The following SELENOV variants were observed in gnomAD, a reference collection of about 807,000 sequenced individuals.
SELENOV encodes selenoprotein V.
In SELENOV, 25 loss-of-function variants were observed where a neutral mutation model predicts 21.6. The observed-to-expected ratio is 1.16, with a 90% CI of 0.84 to 1.62. SELENOV has a LOEUF of 1.62. Ranked by LOEUF, SELENOV falls within the 40% of genes most tolerant of loss-of-function variation. The pLI is 0.00. For missense variants in SELENOV, 472 were observed against 459.0 expected (o/e 1.03, Z -0.26); for synonymous variants, 227 against 216.9 (o/e 1.05, Z -0.41).
Position 39,515,447 on chromosome 19 carries a change from GC to G in SELENOV, c.238del (p.Arg80GlyfsTer37). ...CACTCTGGTCCCCACTCCCGCTCTG[GC>G]CCGGATCCCCCGTCTGGTTCCGCCT... On this transcript the variant is annotated frameshift_variant, in exon 1 of 6. Transcript: ENST00000335426. LOFTEE classifies it high-confidence loss of function. This position sits in a 1 kb window ranked among gnomAD's most constrained non-coding sequence, Gnocchi z 5.1. 1 of 1,551,386 alleles carries G rather than the reference GC, an allele frequency of 6.4e-7. No individual in the cohort carries two copies. Among genetic ancestry groups the G allele is most frequent in the Non-Finnish European group, 8.7e-7 (1 of 1,146,936 alleles).
At chr19:39,517,227 CTCTT>C (rs990897494) in intron 1 of SELENOV, among the ~76,000 whole-genome samples, 5 of 152,056 alleles carry the variant, frequency 3.3e-5, no homozygotes, top group African/African-American at 1.2e-4. Flanking sequence ...CACCTCTGGC[CTCTT>C]TCTTTCTCTC....
At chr19:39,518,951 A>G (rs748439980) in exon 4 of SELENOV, 2 of 1,613,574 alleles carry the variant, frequency 1.2e-6, no homozygotes, top group Non-Finnish European at 1.7e-6. Flanking sequence ...GGTGTTTGTG[A>G]ACGGGAGACT....
At chr19:39,518,503 G>A in intron 1 of SELENOV, 105 bp from the exon 2 acceptor site, 1 of 1,111,032 alleles carries the variant, frequency 9.0e-7, no homozygotes, top group South Asian at 1.3e-5. Context: ...GGAGGAACAT[G>A]ATCTAACTCA....
intron 1 of SELENOV, among the ~76,000 whole-genome samples, chr19:39,518,298 A>C (rs2079709572): frequency 7.2e-6 from 1 of 139,388 alleles, no homozygotes; most frequent in Admixed American, 7.1e-5. Context: ...AAAAAACAAA[A>C]AAAAAAGAGA....
rs552755302 is a variant in SELENOV, at chr19:39,516,320, A to T, written c.809+299A>T. 7.4e-5 allele frequency: 42 copies of T among 564,406 alleles called. No homozygotes were observed. The African/African-American group carries it at 7.5e-4, about 10-fold the overall frequency. The allele number at this position is 564,406 out of a possible 1,614,324, so 35.0% of individuals were successfully genotyped here. A position where few individuals can be genotyped will look rare whatever the true frequency, so the allele number is the denominator to read the frequency against. On this transcript the variant is annotated intron_variant, in intron 1 of 5. Transcript: ENST00000335426. ...ATGGGGTGCTGAGTAGAGCAGATCG[A>T]TCTACTTTGCTCCCCAGCAAGACCA...
rs1476623680 is a variant in SELENOV at position 39,515,719 on chromosome 19, T to C, written c.507T>C (p.Pro169=). The stretch of plus-strand genomic sequence containing the variant: ...TGCCTTTGTTGCCCGAGGAGGACCC[T>C]GAGCCGGCGCCGAGCCTGAAGCTCA... The change falls in exon 1 of 6, where the codon CCT becomes CCC. Residue 169 remains proline (P), a synonymous_variant. Transcript: ENST00000335426. The surrounding 1 kb of genome is among the most constrained non-coding windows in gnomAD (Gnocchi z 5.1). The C allele has an allele frequency of 3.9e-6, 6 of 1,549,460 alleles. No homozygotes were observed. The highest frequency in any genetic ancestry group is 2.7e-5 in the African/African-American group (2 of 73,058).
chr19:39,518,864 G>C, intron 3 of SELENOV, 39 bp from the exon 4 acceptor site: 1 of 1,612,958 alleles, frequency 6.2e-7, no homozygotes, highest in Non-Finnish European at 8.5e-7. Context: ...GCTTGGAGGA[G>C]AGAGCTTAGC....
chr19:39,515,783 C>G lies in SELENOV; in HGVS notation c.571C>G (p.Pro191Ala), dbSNP rs2079693455. 1 of 1,549,296 alleles carries G rather than the reference C, an allele frequency of 6.5e-7. No individual in the cohort carries two copies. The highest frequency in any genetic ancestry group is 8.7e-7 in the Non-Finnish European group (1 of 1,146,262). The change falls in exon 1 of 6, where the codon CCC becomes GCC. Residue 191 changes from proline to alanine, a missense_variant. By Grantham distance (27) the Pro-to-Ala change is conservative (BLOSUM62 -1). Coordinates refer to ENST00000335426, the Ensembl canonical transcript of SELENOV. This position sits in a 1 kb window ranked among gnomAD's most constrained non-coding sequence, Gnocchi z 5.1. Reference sequence around the variant, plus strand: ...CAGCGAGGCCGGGCCCGCCCCGGGGCCCCTTCCCACGCGCACCCCGCTGGC... The same window carrying G: ...CAGCGAGGCCGGGCCCGCCCCGGGGGCCCTTCCCACGCGCACCCCGCTGGC...
rs1236717700 is a variant in SELENOV at position 39,515,378 on chromosome 19, G to T, written c.166G>T (p.Gly56Trp). The change falls in exon 1 of 6, where the codon GGG (glycine) becomes TGG (tryptophan). Residue 56 changes from glycine (G) to tryptophan (W), a missense_variant. By Grantham distance (184) the Gly-to-Trp change is radical. Coordinates refer to ENST00000335426, the Ensembl canonical transcript of SELENOV. This position sits in a 1 kb window ranked among gnomAD's most constrained non-coding sequence, Gnocchi z 5.1. Reference sequence around the variant, plus strand: ...TCCAGTCCTGACTCCGTCTCCAGCCGGGACTTCCCCTCTGGTCCTGACTCC... The same window carrying T: ...TCCAGTCCTGACTCCGTCTCCAGCCTGGACTTCCCCTCTGGTCCTGACTCC... 1 of 1,551,392 alleles carries T rather than the reference G, an allele frequency of 6.4e-7. No individual in the cohort carries two copies. Among genetic ancestry groups the T allele is most frequent in the Non-Finnish European group, 8.7e-7 (1 of 1,146,894 alleles).
rs2079687010 is a variant in SELENOV, at chr19:39,515,141, A to G, written c.-72A>G. The stretch of plus-strand genomic sequence containing the variant: ...CGCGTCTCAGAACCCGGTGCGGGAG[A>G]CGCTCTCCCCGCCCAAAGAGGGAAG... On this transcript the variant is annotated 5_prime_UTR_variant, in exon 1 of 6. Transcript: ENST00000335426. The surrounding 1 kb of genome is among the most constrained non-coding windows in gnomAD (Gnocchi z 5.1). 1.1e-6 allele frequency: 1 copy of G among 932,496 alleles called. No individual in the cohort carries two copies. Among genetic ancestry groups the G allele is most frequent in the Non-Finnish European group, 1.6e-6 (1 of 616,794 alleles). 57.8% of individuals were successfully genotyped at this position (932,496 alleles called of 1,614,324 possible). A position where few individuals can be genotyped will look rare whatever the true frequency, so the allele number is the denominator to read the frequency against.
At chr19:39,517,086 T>C (rs2079701007) in intron 1 of SELENOV, among the ~76,000 whole-genome samples, 1 of 151,220 alleles carries the variant, frequency 6.6e-6, no homozygotes, top group African/African-American at 2.4e-5. Flanking sequence ...CTTGAACTCC[T>C]ACATTCAAGC....
rs982563462 is a variant in SELENOV at position 39,516,140 on chromosome 19, GC to G, written c.809+123del. ...GGGCGAGGGGAGGGATTCAGGAAGA[GC>G]CCCAGAGTTCCAGTTCCCAGATTGG... On this transcript the variant is annotated intron_variant, in intron 1 of 5. Coordinates refer to ENST00000335426, the Ensembl canonical transcript of SELENOV. 129 of 871,278 alleles carry G rather than the reference GC, an allele frequency of 1.5e-4. No individual in the cohort carries two copies. In the African/African-American group the frequency reaches 2.0e-3, roughly 13 times the overall value. 54.0% of individuals were successfully genotyped at this position (871,278 alleles called of 1,614,324 possible).
Position 39,515,778 on chromosome 19 carries a change from C to T in SELENOV, c.566C>T (p.Pro189Leu). 3 of 1,549,290 alleles carry T rather than the reference C, an allele frequency of 1.9e-6. No individual in the cohort carries two copies. Among genetic ancestry groups the T allele is most frequent in the Non-Finnish European group, 2.6e-6 (3 of 1,146,258 alleles). Residue 189 changes from proline to leucine, a missense_variant, in exon 1 of 6, where the codon CCG (proline) becomes CTG (leucine). Pro to Leu is a moderately conservative substitution (Grantham distance 98). Transcript: ENST00000335426. The surrounding 1 kb of genome is among the most constrained non-coding windows in gnomAD (Gnocchi z 5.1). The stretch of plus-strand genomic sequence containing the variant: ...GTCTCCAGCGAGGCCGGGCCCGCCC[C>T]GGGGCCCCTTCCCACGCGCACCCCG...
chr19:39,518,766 G>A (rs1395206326), exon 3 of SELENOV: 1 of 1,613,782 alleles, frequency 6.2e-7, no homozygotes. Flanking sequence ...AGAGCCTGGA[G>A]CAGCAATTTC....
exon 2 of SELENOV, chr19:39,518,614 C>G: frequency 6.2e-7 from 1 of 1,604,622 alleles, no homozygotes; most frequent in South Asian, 1.1e-5. Flanking sequence ...CCAGTGGCCT[C>G]TGAAGCTATA....
intron 1 of SELENOV, among the ~76,000 whole-genome samples, chr19:39,516,922 C>T (rs927828149): frequency 2.6e-5 from 4 of 151,990 alleles, no homozygotes; most frequent in African/African-American, 9.7e-5. Context: ...TGGTCTCGAT[C>T]TTCTGACCTC....
In SELENOV at chr19:39,515,224, G is replaced by C; in HGVS notation, c.12G>C (p.Gln4His). 6.5e-7 allele frequency: 1 copy of C among 1,548,658 alleles called. No homozygotes were observed. The highest frequency in any genetic ancestry group is 8.7e-7 in the Non-Finnish European group (1 of 1,145,788). ...TCCCCCTGGGCCCCATGAATAACCA[G>C]GCGCGGACCCCAGCCCCCTCCTCGG... is the stretch of plus-strand genomic sequence containing the variant. Residue 4 changes from glutamine (Q) to histidine (H), a missense_variant, in exon 1 of 6, where the codon CAG (glutamine) becomes CAC (histidine). Physicochemically the swap from Gln to His is conservative, Grantham distance 24. Coordinates refer to ENST00000335426, the Ensembl canonical transcript of SELENOV. The surrounding 1 kb of genome is among the most constrained non-coding windows in gnomAD (Gnocchi z 5.1).
At position 39,515,636 on chromosome 19, in the gene SELENOV, G is replaced by T. The variant is rs956759781; in HGVS notation, c.424G>T (p.Asp142Tyr). ...GATTCGGGCCGCGCTCCCCGTCTTG[G>T]ACTCCTACCTGGCCCCGGCCCTACC... The change falls in exon 1 of 6, where the codon GAC becomes TAC. Residue 142 changes from aspartate to tyrosine, a missense_variant. Asp to Tyr is a radical substitution (Grantham distance 160). Transcript: ENST00000335426. This position sits in a 1 kb window ranked among gnomAD's most constrained non-coding sequence, Gnocchi z 5.1. 3.2e-6 allele frequency: 5 copies of T among 1,548,210 alleles called. No individual in the cohort carries two copies. The African/African-American group carries it at 6.8e-5, about 21-fold the overall frequency.
intron 1 of SELENOV, among the ~76,000 whole-genome samples, chr19:39,516,759 G>A (rs1055132838): frequency 6.7e-6 from 1 of 149,436 alleles, no homozygotes; most frequent in Admixed American, 6.7e-5. Flanking sequence ...GCAATGGCGC[G>A]ACCTCTGCTC....
Sources: allele counts gnomAD v4.1 joint callset (sites outside exome capture counted in the v4.1 genomes callset), GRCh38; gene constraint gnomAD v4.1.1; non-coding constraint Gnocchi (gnomAD v3.1); transcripts MANE v1.5; gene names NCBI Gene and HGNC (gene_info 2026-07-23, HGNC 2026-07-21).